Variants in SRRM3 observed in about 807,000 individuals in gnomAD.
The protein encoded by SRRM3 is serine/arginine repetitive matrix protein 3.
Under a neutral mutation model 66.2 loss-of-function variants are expected in SRRM3, and 27 were observed. The ratio of observed to expected loss-of-function variants is 0.41; its 90% CI spans 0.30 to 0.56. SRRM3 has a LOEUF of 0.56. Among genes scored for constraint, SRRM3 ranks in the 20% least tolerant of loss-of-function variants. The probability of loss-of-function intolerance (pLI) is 0.32; values close to 1 mark genes in which losing one functional copy is unlikely to be tolerated. For synonymous variants in SRRM3, 391 were observed against 414.9 expected (o/e 0.94, Z 0.70); for missense variants, 918 against 991.9 (o/e 0.93, Z 1.00).
chr7:76,212,129 C>T (rs1800448211), intron 1 of SRRM3, among the ~76,000 whole-genome samples: 1 of 147,642 alleles, frequency 6.8e-6, no homozygotes, highest in Admixed American at 6.8e-5. Context: ...GCTGGGATTA[C>T]AACTGTGAGC....
intron 3 of SRRM3, among the ~76,000 whole-genome samples, chr7:76,250,549 G>C (rs936028897): frequency 1.3e-5 from 2 of 152,114 alleles, no homozygotes; most frequent in Non-Finnish European, 2.9e-5. Flanking sequence ...CATCGTAAAG[G>C]CTGGCAGCAC....
intron 3 of SRRM3, among the ~76,000 whole-genome samples, chr7:76,252,444 C>G (rs1228903215): frequency 6.6e-6 from 1 of 152,180 alleles, no homozygotes; most frequent in Non-Finnish European, 1.5e-5. Context: ...GCGTCAGCCT[C>G]CCAAGTAGCT....
intron 12 of SRRM3, 54 bp from the exon 13 acceptor site, chr7:76,282,594 C>A: frequency 9.4e-7 from 1 of 1,064,940 alleles, no homozygotes; most frequent in East Asian, 3.3e-5. Flanking sequence ...CTCCCCGCCC[C>A]CAGCCCCCTT....
chr7:76,229,991 C>T (rs1235481661), intron 1 of SRRM3, among the ~76,000 whole-genome samples: 1 of 152,112 alleles, frequency 6.6e-6, no homozygotes, highest in Non-Finnish European at 1.5e-5. Context: ...ATCTGCCCAC[C>T]TCAGCCTCCC....
intron 3 of SRRM3, among the ~76,000 whole-genome samples, chr7:76,251,757 C>A (rs567566604): frequency 1.6e-4 from 24 of 152,062 alleles, no homozygotes; most frequent in Admixed American, 6.6e-4. Context: ...GAGCAAGACC[C>A]CCATCTCTAT....
At chr7:76,230,388 GC>G (rs1800984442) in intron 1 of SRRM3, among the ~76,000 whole-genome samples, 1 of 152,086 alleles carries the variant, frequency 6.6e-6, no homozygotes, top group Non-Finnish European at 1.5e-5. Flanking sequence ...AGTGACTCAT[GC>G]CCGTAATCCC....
intron 1 of SRRM3, among the ~76,000 whole-genome samples, chr7:76,230,749 TTAC>T (rs148593106): frequency 0.13 from 12,861 of 97,086 alleles, 910 homozygotes; most frequent in African/African-American, 0.29. Context: ...TTTCTTTTAC[TTAC>T]TTTTTTTTTT....
chr7:76,261,053 C>T (rs941647558), intron 6 of SRRM3, 150 bp downstream of exon 6: 4 of 790,966 alleles, frequency 5.1e-6, no homozygotes, highest in African/African-American at 3.5e-5. Flanking sequence ...CTACAGAGGC[C>T]GTGAATCCCA....
intron 14 of SRRM3, 144 bp downstream of exon 14, chr7:76,283,245 T>G (rs1454207423): frequency 2.2e-4 from 134 of 608,964 alleles, no homozygotes; most frequent in East Asian, 3.2e-4. Context: ...GGACAATGAG[T>G]GGGTTCTGCC....
chr7:76,262,896 G>A (rs535692521), intron 8 of SRRM3, among the ~76,000 whole-genome samples: 3 of 152,152 alleles, frequency 2.0e-5, no homozygotes, highest in African/African-American at 4.8e-5. Flanking sequence ...AGGAGAGCTC[G>A]GAAGGAAGTT....
intron 11 of SRRM3, among the ~76,000 whole-genome samples, chr7:76,276,648 T>C (rs559399661): frequency 6.6e-6 from 1 of 152,088 alleles, no homozygotes; most frequent in African/African-American, 2.4e-5. Context: ...TCTCTGAGCA[T>C]CCTATGAAAT....
At chr7:76,249,777 T>A (rs1398762691) in intron 3 of SRRM3, among the ~76,000 whole-genome samples, 1 of 152,142 alleles carries the variant, frequency 6.6e-6, no homozygotes, top group Non-Finnish European at 1.5e-5. Flanking sequence ...CTGGGCTATG[T>A]GGTACATGCC....
At chr7:76,267,794 G>A (rs1169244882) in intron 11 of SRRM3, 2 of 219,920 alleles carry the variant, frequency 9.1e-6, no homozygotes, top group African/African-American at 4.6e-5. Flanking sequence ...GGGTGGGAGG[G>A]GCATGGACAT....
chr7:76,260,535 C>T (rs1177148849), intron 5 of SRRM3, among the ~76,000 whole-genome samples: 1 of 149,762 alleles, frequency 6.7e-6, no homozygotes, highest in Non-Finnish European at 1.5e-5. Context: ...GTCCTCTCCC[C>T]ACTAGGCCCC....
At chr7:76,208,436 A>T (rs1800351433) in intron 1 of SRRM3, among the ~76,000 whole-genome samples, 1 of 151,828 alleles carries the variant, frequency 6.6e-6, no homozygotes, top group South Asian at 2.1e-4. Context: ...TGGGAGGCTG[A>T]GGTGGGAGGA....
intron 3 of SRRM3, among the ~76,000 whole-genome samples, chr7:76,257,743 A>G (rs1801750396): frequency 6.6e-6 from 1 of 152,030 alleles, no homozygotes; most frequent in Admixed American, 6.6e-5. Flanking sequence ...ACTGCACTCC[A>G]GCCTCGCGAC....
At chr7:76,236,084 G>A (rs1207642984) in intron 2 of SRRM3, among the ~76,000 whole-genome samples, 1 of 150,126 alleles carries the variant, frequency 6.7e-6, no homozygotes, top group Non-Finnish European at 1.5e-5. Flanking sequence ...AGGCCGAGGC[G>A]GGTGGATCAC....
At position 76,259,601 on chromosome 7, in the gene SRRM3, G is replaced by A. The variant is rs116097533; in HGVS notation, c.336-305G>A. 4.1e-3 allele frequency among the ~76,000 whole-genome samples: 621 copies of A among 151,984 alleles called. 3 individuals carry two copies. Among genetic ancestry groups the A allele is most frequent in the African/African-American group, 0.014 (590 of 41,498 alleles). ...CCAAAATTAAAAAAAAAAAAAAGAGGAGGGGGCTTACTGAGATGGTGAGAA... is the reference window on the plus strand; with the variant it reads ...CCAAAATTAAAAAAAAAAAAAAGAGAAGGGGGCTTACTGAGATGGTGAGAA... On this transcript the variant is annotated intron_variant, in intron 3 of 14. Coordinates refer to ENST00000611745, the MANE Select transcript of SRRM3 (RefSeq NM_001110199.3).
chr7:76,255,235 C>T (rs185789050), intron 3 of SRRM3, among the ~76,000 whole-genome samples: 50 of 144,810 alleles, frequency 3.5e-4, no homozygotes, highest in African/African-American at 1.2e-3. Flanking sequence ...CTGCAACCTC[C>T]GCCTCCTGGG....
Sources: allele counts gnomAD v4.1 joint callset (sites outside exome capture counted in the v4.1 genomes callset), GRCh38; gene constraint gnomAD v4.1.1; transcripts MANE v1.5; gene names NCBI Gene and HGNC (gene_info 2026-07-23, HGNC 2026-07-21).